The following PIK3C2B variants were observed in gnomAD, a reference collection of about 807,000 sequenced individuals.
PIK3C2B encodes phosphatidylinositol 4-phosphate 3-kinase C2 domain-containing subunit beta.
A neutral mutation model predicts 184.3 loss-of-function variants in PIK3C2B; 83 were observed. The observed-to-expected ratio is 0.45, with a 90% CI of 0.38 to 0.54. The LOEUF (loss-of-function observed/expected upper bound fraction) is 0.54, where lower values mean the gene tolerates loss of function less well. Ranked by LOEUF, PIK3C2B falls within the 20% of genes least tolerant of loss-of-function variation. The pLI is 0.00. For synonymous variants in PIK3C2B, 779 were observed against 837.6 expected (o/e 0.93, Z 1.21); for missense variants, 1,736 against 2,113.5 (o/e 0.82, Z 3.50).
intron 15 of PIK3C2B, among the ~76,000 whole-genome samples, chr1:204,446,582 CA>C (rs1653890992): frequency 6.6e-6 from 1 of 152,214 alleles, no homozygotes; most frequent in South Asian, 2.1e-4. Context: ...GGTCCCCCAA[CA>C]CCAGGGTCTG....
Position 204,424,465 on chromosome 1 carries a change from G to T in PIK3C2B, c.*387C>A, listed in dbSNP as rs1251449467. On this transcript the variant is annotated 3_prime_UTR_variant, in exon 33 of 33. Coordinates refer to ENST00000684373, the MANE Select transcript of PIK3C2B (RefSeq NM_001377334.1). ...TCGCAAGGCTTCCTGTCCCAGTTAG[G>T]ACAACATCACTATTTCATTTTTTAA... is the stretch of plus-strand genomic sequence containing the variant. The T allele has an allele frequency of 8.3e-6, 3 of 361,262 alleles. No individual in the cohort carries two copies. Among genetic ancestry groups the T allele is most frequent in the Non-Finnish European group, 1.6e-5 (3 of 183,562 alleles). The allele number at this position is 361,262 out of a possible 1,614,324, so 22.4% of individuals were successfully genotyped here.
intron 1 of PIK3C2B, among the ~76,000 whole-genome samples, chr1:204,472,227 G>A (rs1035364305): frequency 1.3e-5 from 2 of 151,452 alleles, no homozygotes; most frequent in African/African-American, 4.9e-5. Context: ...GCAGTGGCAG[G>A]ATCTCGGCTC....
intron 27 of PIK3C2B, 99 bp downstream of exon 27, chr1:204,432,101 C>CG (rs765368323): frequency 5.3e-5 from 58 of 1,089,582 alleles, no homozygotes; most frequent in Non-Finnish European, 7.0e-5. Context: ...GCTCGGTCAA[C>CG]TCCTGTGCCC....
intron 20 of PIK3C2B, among the ~76,000 whole-genome samples, chr1:204,441,843 G>A (rs1038420818): frequency 4.6e-5 from 7 of 151,640 alleles, no homozygotes; most frequent in Non-Finnish European, 8.8e-5. Flanking sequence ...GTGACCTCTG[G>A]TAAGTCACAT....
Position 204,424,729 on chromosome 1 carries a change from C to G in PIK3C2B, c.*123G>C, listed in dbSNP as rs1430654624. 1.1e-6 allele frequency: 1 copy of G among 934,944 alleles called. No homozygotes were observed. Among genetic ancestry groups the G allele is most frequent in the South Asian group, 1.3e-5 (1 of 77,022 alleles). 57.9% of individuals were successfully genotyped at this position (934,944 alleles called of 1,614,324 possible). A position where few individuals can be genotyped will look rare whatever the true frequency, so the allele number is the denominator to read the frequency against. ...CTCCTACCACAGAGGCCAGAATCACCTGGACCGAGCTGGAGGCCTGCCCAG... is the reference window on the plus strand; with the variant it reads ...CTCCTACCACAGAGGCCAGAATCACGTGGACCGAGCTGGAGGCCTGCCCAG... On this transcript the variant is annotated 3_prime_UTR_variant, in exon 33 of 33. Transcript: ENST00000684373.
intron 1 of PIK3C2B, among the ~76,000 whole-genome samples, chr1:204,484,797 ACCC>A (rs1657457546): frequency 6.6e-6 from 1 of 152,030 alleles, no homozygotes. Flanking sequence ...TGCTCTCCAC[ACCC>A]CCATCCCAGA....
At position 204,457,050 on chromosome 1, in the gene PIK3C2B, C is replaced by T. The variant is rs1231004469; in HGVS notation, c.1734G>A (p.Val578=). Residue 578 remains valine (V), a synonymous_variant, in exon 10 of 33, where the codon GTG becomes GTA. Transcript: ENST00000684373. ...KIQKDPSVLA[V]RENREKVVEA... Reference sequence around the variant, plus strand: ...CAGTTCCCTTACCTCGGTTTTCCCTCACAGCCAAGACACTGGGATCCTGTT... The same window carrying T: ...CAGTTCCCTTACCTCGGTTTTCCCTTACAGCCAAGACACTGGGATCCTGTT... 2.6e-6 allele frequency: 4 copies of T among 1,567,028 alleles called. No individual in the cohort carries two copies. The South Asian group carries it at 4.7e-5, about 18-fold the overall frequency.
At chr1:204,430,734 C>A (rs768794599) in intron 28 of PIK3C2B, among the ~76,000 whole-genome samples, 1 of 152,108 alleles carries the variant, frequency 6.6e-6, no homozygotes, top group Admixed American at 6.5e-5. Flanking sequence ...TCTCAGCTCA[C>A]TGCAACCTCT....
Position 204,423,554 on chromosome 1 carries a change from T to A in PIK3C2B, c.*1298A>T, listed in dbSNP as rs1572266516. 1.3e-5 allele frequency: 2 copies of A among 152,232 alleles called. No individual in the cohort carries two copies. Among genetic ancestry groups the A allele is most frequent in the Non-Finnish European group, 1.5e-5 (1 of 68,006 alleles). The allele number at this position is 152,232 out of a possible 1,614,324, so 9.4% of individuals were successfully genotyped here. ...GCTCCTGAGCTTAGCTCCAGGGGAA[T>A]AATCACCACTCCAATCCAGCCTCCT... is the stretch of plus-strand genomic sequence containing the variant. On this transcript the variant is annotated 3_prime_UTR_variant, in exon 33 of 33. Transcript: ENST00000684373.
At chr1:204,431,367 C>T (rs746079195) in intron 28 of PIK3C2B, 2 of 428,818 alleles carry the variant, frequency 4.7e-6, no homozygotes, top group Middle Eastern at 6.9e-4. Flanking sequence ...GTACATATGA[C>T]ATTTTGCTTA....
chr1:204,483,917 T>C (rs1170552114), intron 1 of PIK3C2B, among the ~76,000 whole-genome samples: 1 of 152,202 alleles, frequency 6.6e-6, no homozygotes, highest in Non-Finnish European at 1.5e-5. Context: ...AGGGATTCAC[T>C]GACTGCTTAA....
chr1:204,478,490 G>A (rs1329527930), intron 1 of PIK3C2B, among the ~76,000 whole-genome samples: 1 of 152,216 alleles, frequency 6.6e-6, no homozygotes, highest in African/African-American at 2.4e-5. Flanking sequence ...AAAACCCACA[G>A]GTTGTATACA....
chr1:204,494,541 C>T lies in PIK3C2B; in HGVS notation c.-270G>A, dbSNP rs1228432518. ...CTCCCCTCTCCAGGCTCCGCACAGACCCTAGGCTCCAAGGGGCAGAGGGAG... is the reference window on the plus strand; with the variant it reads ...CTCCCCTCTCCAGGCTCCGCACAGATCCTAGGCTCCAAGGGGCAGAGGGAG... On this transcript the variant is annotated 5_prime_UTR_variant, in exon 1 of 33. Transcript: ENST00000684373. 6.6e-6 allele frequency: 1 copy of T among 152,368 alleles called. No homozygotes were observed. Among genetic ancestry groups the T allele is most frequent in the Non-Finnish European group, 1.5e-5 (1 of 68,236 alleles). 9.4% of individuals were successfully genotyped at this position (152,368 alleles called of 1,614,324 possible).
rs758794538 is a variant in PIK3C2B, at chr1:204,443,610, G to C, written c.2868-13C>G. 2 of 1,613,138 alleles carry C rather than the reference G, an allele frequency of 1.2e-6. No homozygotes were observed. The highest frequency in any genetic ancestry group is 2.2e-5 in the South Asian group (2 of 91,068). On this transcript the variant is annotated splice_polypyrimidine_tract_variant and intron_variant, in intron 18 of 32. Coordinates refer to ENST00000684373, the MANE Select transcript of PIK3C2B (RefSeq NM_001377334.1). ...GTCCTTCAGTAACCTGCAAGGCAGA[G>C]GGAGTCAGGAGTCAGGGCACTCCAG...
intron 1 of PIK3C2B, among the ~76,000 whole-genome samples, chr1:204,473,689 A>G (rs1022659534): frequency 6.6e-6 from 1 of 152,246 alleles, no homozygotes; most frequent in African/African-American, 2.4e-5. Flanking sequence ...GCCATTGGAA[A>G]TAATCTTTTT....
rs1656085241 is a variant in PIK3C2B, at chr1:204,469,170, T to G, written c.633A>C (p.Glu211Asp). Residue 211 changes from glutamate (E) to aspartate (D), a missense_variant, in exon 2 of 33, where the codon GAA (glutamate) becomes GAC (aspartate). Around this residue, in one of 8 missense-constraint regions of PIK3C2B, gnomAD observed 404 missense variants for 418.0 expected, o/e 0.97. Coordinates refer to ENST00000684373, the MANE Select transcript of PIK3C2B (RefSeq NM_001377334.1). ...KLLEHRILEEEEVLGGGGQGR... is the reference protein window; with the variant it reads ...KLLEHRILEEDEVLGGGGQGR... ...CCTGACCCCCACCTCCCAGCACCTCTTCCTCTTCTAGGATCCGATGCTCTA... is the reference window on the plus strand; with the variant it reads ...CCTGACCCCCACCTCCCAGCACCTCGTCCTCTTCTAGGATCCGATGCTCTA... 1 of 1,614,016 alleles carries G rather than the reference T, an allele frequency of 6.2e-7. No individual in the cohort carries two copies. Among genetic ancestry groups the G allele is most frequent in the Middle Eastern group, 1.6e-4 (1 of 6,062 alleles).
At chr1:204,491,775 C>T (rs1438061271) in intron 1 of PIK3C2B, among the ~76,000 whole-genome samples, 1 of 152,216 alleles carries the variant, frequency 6.6e-6, no homozygotes, top group Admixed American at 6.5e-5. Flanking sequence ...AGGAGTGAGA[C>T]TGCTTGCTTC....
intron 1 of PIK3C2B, among the ~76,000 whole-genome samples, chr1:204,474,070 C>T (rs960724755): frequency 5.9e-5 from 9 of 151,468 alleles, no homozygotes; most frequent in African/African-American, 2.2e-4. Context: ...CGGCTCACCG[C>T]AAGCTCCGCC....
At chr1:204,453,261 GCA>G (rs200953521) in intron 12 of PIK3C2B, among the ~76,000 whole-genome samples, 1,672 of 152,318 alleles carry the variant, frequency 0.011, 14 homozygotes, top group Middle Eastern at 0.027. Context: ...GTAGAGCATA[GCA>G]CAGATGAAGC....
Sources: allele counts gnomAD v4.1 joint callset (sites outside exome capture counted in the v4.1 genomes callset), GRCh38; gene constraint gnomAD v4.1.1; regional missense constraint gnomAD v4.1.1; transcripts MANE v1.5; gene names NCBI Gene and HGNC (gene_info 2026-07-23, HGNC 2026-07-21).